The following PHC2 variants were observed in gnomAD, a reference collection of about 807,000 sequenced individuals.
PHC2 encodes polyhomeotic homolog 2.
Under a neutral mutation model 87.4 loss-of-function variants are expected in PHC2, and 29 were observed. The observed-to-expected ratio is 0.33, with a 90% CI of 0.25 to 0.45. The LOEUF is 0.45. Ranked by LOEUF, PHC2 falls within the 20% of genes least tolerant of loss-of-function variation. The pLI, the probability that PHC2 is intolerant of heterozygous loss-of-function variation, is 1.00. For missense variants in PHC2, 857 were observed against 1,136.7 expected (o/e 0.75, Z 3.54); for synonymous variants, 438 against 461.7 (o/e 0.95, Z 0.66).
At chr1:33,328,103 G>A (rs564344082) in intron 14 of PHC2, among the ~76,000 whole-genome samples, 7 of 152,284 alleles carry the variant, frequency 4.6e-5, no homozygotes, top group South Asian at 2.1e-4. Flanking sequence ...TGACCTGGTC[G>A]GTGTATGAGT....
Position 33,408,502 on chromosome 1 carries a change from C to A in PHC2, c.-55+22474G>T, listed in dbSNP as rs562391073. On this transcript the variant is annotated intron_variant, in intron 1 of 14. Transcript: ENST00000683057. ...TTGAGATGAAGTCTCGCTCTGTCAC[C>A]CAGGCTGGAGTGCAGTGGGACGATC... Among the ~76,000 whole-genome samples, 7 of 152,184 alleles carry A rather than the reference C, an allele frequency of 4.6e-5. No homozygotes were observed. In the South Asian group the frequency reaches 1.0e-3, roughly 23 times the overall value.
In PHC2 at chr1:33,372,304, C is replaced by A; in HGVS notation, c.318G>T (p.Leu106=). 6.4e-7 allele frequency: 1 copy of A among 1,573,008 alleles called. No individual in the cohort carries two copies. Among genetic ancestry groups the A allele is most frequent in the South Asian group, 1.2e-5 (1 of 86,584 alleles). ...QHLSSAQLQS[L]AAVQQASLVS... is the part of the protein sequence containing the mutation. ...CAAGTCTCACCTGCTGTACGGCTGC[C>A]AGGCTCTGGAGCTGGGCGCTGCTGA... The change falls in exon 3 of 15, where the codon CTG becomes CTT. Residue 106 remains leucine, a synonymous_variant. Coordinates refer to ENST00000683057, the MANE Select transcript of PHC2 (RefSeq NM_001385109.1).
intron 9 of PHC2, among the ~76,000 whole-genome samples, chr1:33,350,880 AC>A (rs1286939667): frequency 2.0e-5 from 3 of 151,684 alleles, no homozygotes; most frequent in Non-Finnish European, 4.4e-5. Flanking sequence ...CATTTCTTAC[AC>A]TTATATTTTG....
At chr1:33,427,503 G>A (rs1487291331) in intron 1 of PHC2, among the ~76,000 whole-genome samples, 1 of 151,804 alleles carries the variant, frequency 6.6e-6, no homozygotes, top group Non-Finnish European at 1.5e-5. Context: ...AAGGTGATCC[G>A]CATGCTGTCT....
chr1:33,380,757 G>GTGTTGAATTACCTC (rs1553188222), intron 1 of PHC2, among the ~76,000 whole-genome samples: 1 of 152,164 alleles, frequency 6.6e-6, no homozygotes, highest in Non-Finnish European at 1.5e-5. Flanking sequence ...CCTGCATCAT[G>GTGTTGAATTACCTC]TGTTGAATTA....
intron 2 of PHC2, among the ~76,000 whole-genome samples, chr1:33,373,354 C>CA (rs1647975921): frequency 6.6e-6 from 1 of 152,146 alleles, no homozygotes. Context: ...CTCCTGACCT[C>CA]AGGTAATCTA....
intron 1 of PHC2, among the ~76,000 whole-genome samples, chr1:33,412,267 C>T (rs1412979368): frequency 6.6e-6 from 1 of 152,178 alleles, no homozygotes; most frequent in Admixed American, 6.5e-5. Flanking sequence ...GGTTAAGTAA[C>T]TCGACCAGGG....
intron 9 of PHC2, among the ~76,000 whole-genome samples, chr1:33,340,157 A>G (rs1332703743): frequency 6.6e-6 from 1 of 152,176 alleles, no homozygotes; most frequent in Non-Finnish European, 1.5e-5. Context: ...AAAGACTTCT[A>G]TTTACTGTTT....
At chr1:33,365,917 T>C (rs939636721) in intron 7 of PHC2, among the ~76,000 whole-genome samples, 5 of 152,242 alleles carry the variant, frequency 3.3e-5, no homozygotes, top group African/African-American at 7.2e-5. Context: ...TCATGTGCCA[T>C]GTCCTCTGAA....
intron 1 of PHC2, among the ~76,000 whole-genome samples, chr1:33,414,394 C>T (rs1046098427): frequency 6.6e-6 from 1 of 152,200 alleles, no homozygotes; most frequent in African/African-American, 2.4e-5. Context: ...AAAAAGTTAG[C>T]ATTTGTCAGA....
Position 33,423,596 on chromosome 1 carries a change from A to G in PHC2, c.-55+7380T>C, listed in dbSNP as rs923893612. 4.7e-4 allele frequency among the ~76,000 whole-genome samples: 72 copies of G among 152,218 alleles called. 4 individuals carry two copies. Among genetic ancestry groups the G allele is most frequent in the Non-Finnish European group, 4.4e-5 (3 of 68,030 alleles). Reference sequence around the variant, plus strand: ...CCAAAGAATAGAAATAACAGAAGATACACTCCTGTTAAGCTTTTTGTACAG... The same window carrying G: ...CCAAAGAATAGAAATAACAGAAGATGCACTCCTGTTAAGCTTTTTGTACAG... On this transcript the variant is annotated intron_variant, in intron 1 of 14. Transcript: ENST00000683057.
At chr1:33,389,069 A>AAG (rs1453467857) in intron 1 of PHC2, among the ~76,000 whole-genome samples, 4 of 135,692 alleles carry the variant, frequency 2.9e-5, no homozygotes, top group Non-Finnish European at 5.0e-5. Flanking sequence ...TAAAAAAAAA[A>AAG]AAAAAAGAAA....
Position 33,329,013 on chromosome 1 carries a change from G to C in PHC2, c.2282C>G (p.Ser761Cys). 2 of 1,614,254 alleles carry C rather than the reference G, an allele frequency of 1.2e-6. No homozygotes were observed. The highest frequency in any genetic ancestry group is 1.7e-6 in the Non-Finnish European group (2 of 1,180,046). The part of the protein sequence containing the change: ...LSPISASSST[S>C]RRRQGQRDLE... ...GTCCCGCTGGCCTTGTCGCCGGCGG[G>C]AAGTAGATGAGCTGGCTGAGATGGG... The change falls in exon 14 of 15, where the codon TCC becomes TGC. Residue 761 changes from serine to cysteine, a missense_variant. Transcript: ENST00000683057.
At chr1:33,328,376 A>C (rs61799558) in intron 14 of PHC2, among the ~76,000 whole-genome samples, 3 of 83,028 alleles carry the variant, frequency 3.6e-5, no homozygotes, top group Non-Finnish European at 7.0e-5. Flanking sequence ...TTTCTTAATT[A>C]AATTTTTTTT....
chr1:33,375,678 T>C, intron 1 of PHC2, 85 bp from the exon 2 acceptor site: 1 of 847,372 alleles, frequency 1.2e-6, no homozygotes. Context: ...ATCTGTGGGT[T>C]CCACATCCAT....
chr1:33,349,061 G>T lies in PHC2; in HGVS notation c.1558+5340C>A. 1 of 983,686 alleles carries T rather than the reference G, an allele frequency of 1.0e-6. No homozygotes were observed. The highest frequency in any genetic ancestry group is 1.2e-6 in the Non-Finnish European group (1 of 828,352). The allele number at this position is 983,686 out of a possible 1,614,324, so 60.9% of individuals were successfully genotyped here. A position where few individuals can be genotyped will look rare whatever the true frequency, so the allele number is the denominator to read the frequency against. ...CAACAAATATAGTCTACCTTCATTT[G>T]GCATAGGAAGGAGAGAAAACGCTCT... is the stretch of plus-strand genomic sequence containing the variant. On this transcript the variant is annotated intron_variant, in intron 9 of 14. Transcript: ENST00000683057. This position sits in a 1 kb window ranked among gnomAD's most constrained non-coding sequence, Gnocchi z 4.2.
rs900073890 is a variant in PHC2, at chr1:33,368,207, C to T, written c.663+329G>A. Among the ~76,000 whole-genome samples the T allele has an allele frequency of 2.0e-5, 3 of 152,224 alleles. No individual in the cohort carries two copies. Among genetic ancestry groups the T allele is most frequent in the African/African-American group, 7.2e-5 (3 of 41,454 alleles). On this transcript the variant is annotated intron_variant, in intron 6 of 14. Coordinates refer to ENST00000683057, the MANE Select transcript of PHC2 (RefSeq NM_001385109.1). This position sits in a 1 kb window ranked among gnomAD's most constrained non-coding sequence, Gnocchi z 6.6. ...TGTGTAACCGGAGCGGGACTTTCCA[C>T]TTATGAAGCAGCAGCAGCCAGACCA...
At chr1:33,405,938 C>T (rs1649743950) in intron 1 of PHC2, among the ~76,000 whole-genome samples, 1 of 152,104 alleles carries the variant, frequency 6.6e-6, no homozygotes, top group Admixed American at 6.5e-5. Context: ...CTGTTCCTTC[C>T]ATGTATGCTT....
chr1:33,334,083 TCCGTA>T lies in PHC2; in HGVS notation c.1761+2_1761+6del. The T allele has an allele frequency of 6.3e-7, 1 of 1,593,928 alleles. No homozygotes were observed. Among genetic ancestry groups the T allele is most frequent in the Non-Finnish European group, 8.5e-7 (1 of 1,171,756 alleles). ...AAAAAAAAAAGGGGAAAAGAAGTAGTCCGTACCGGGAAAGGCTCCGCCCCCTCCTG... is the reference window on the plus strand; with the variant it reads ...AAAAAAAAAAGGGGAAAAGAAGTAGTCCGGGAAAGGCTCCGCCCCCTCCTG... On this transcript the variant is annotated splice_donor_variant and splice_donor_5th_base_variant and intron_variant, in intron 10 of 14. Transcript: ENST00000683057. LOFTEE classifies it high-confidence loss of function. This position sits in a 1 kb window ranked among gnomAD's most constrained non-coding sequence, Gnocchi z 5.5.
Sources: allele counts gnomAD v4.1 joint callset (sites outside exome capture counted in the v4.1 genomes callset), GRCh38; gene constraint gnomAD v4.1.1; non-coding constraint Gnocchi (gnomAD v3.1); transcripts MANE v1.5; gene names NCBI Gene and HGNC (gene_info 2026-07-23, HGNC 2026-07-21).